Variants in ASPG observed in about 807,000 individuals in gnomAD.
ASPG encodes asparaginase, also known as 60 kDa lysophospholipase.
Under a neutral mutation model 63.2 loss-of-function variants are expected in ASPG, and 53 were observed. The ratio of observed to expected loss-of-function variants is 0.84; its 90% CI spans 0.67 to 1.05. ASPG has a LOEUF of 1.05. Ranked by LOEUF, ASPG falls within the 50% of genes least tolerant of loss-of-function variation. The pLI is 0.00. For synonymous variants in ASPG, 370 were observed against 355.0 expected (o/e 1.04, Z -0.48); for missense variants, 741 against 794.4 (o/e 0.93, Z 0.81).
chr14:104,097,189 G>C (rs1369832604), intron 4 of ASPG, among the ~76,000 whole-genome samples: 2 of 152,216 alleles, frequency 1.3e-5, no homozygotes, highest in Admixed American at 1.3e-4. Context: ...CCAGCACTGG[G>C]CTCTTGGACC....
intron 5 of ASPG, among the ~76,000 whole-genome samples, chr14:104,098,126 T>C (rs2036704597): frequency 6.8e-6 from 1 of 147,210 alleles, no homozygotes; most frequent in Non-Finnish European, 1.5e-5. Flanking sequence ...ATGGAGGTTC[T>C]CCGTTAGAGA....
At chr14:104,088,527 G>A (rs1163785407) in intron 1 of ASPG, among the ~76,000 whole-genome samples, 1 of 152,096 alleles carries the variant, frequency 6.6e-6, no homozygotes, top group Non-Finnish European at 1.5e-5. Flanking sequence ...TTGCCGGCCT[G>A]TCCCAAAGTC....
At chr14:104,086,861 G>T (rs185421656) in intron 1 of ASPG, among the ~76,000 whole-genome samples, 1 of 152,054 alleles carries the variant, frequency 6.6e-6, no homozygotes, top group African/African-American at 2.4e-5. Flanking sequence ...CTCCTGGGAC[G>T]GCTGGGACCC....
intron 10 of ASPG, among the ~76,000 whole-genome samples, chr14:104,106,065 G>A (rs1342297333): frequency 6.6e-6 from 1 of 152,264 alleles, no homozygotes; most frequent in Non-Finnish European, 1.5e-5. Flanking sequence ...CCCCCTACAG[G>A]GATGGACCTG....
intron 7 of ASPG, 146 bp from the exon 8 acceptor site, chr14:104,104,158 G>C: frequency 1.1e-6 from 1 of 926,310 alleles, no homozygotes; most frequent in Non-Finnish European, 1.6e-6. Flanking sequence ...ATGCACGTCT[G>C]CCAGGAGCCC....
At chr14:104,086,659 G>T (rs2036228997) in intron 1 of ASPG, among the ~76,000 whole-genome samples, 2 of 152,116 alleles carry the variant, frequency 1.3e-5, no homozygotes, top group Admixed American at 1.3e-4. Flanking sequence ...GGGGCCCCCA[G>T]ATGGGCTCTG....
chr14:104,111,179 G>A (rs1339445746), intron 13 of ASPG: 10 of 984,974 alleles, frequency 1.0e-5, no homozygotes, highest in Non-Finnish European at 9.6e-6. Flanking sequence ...GCTCGTGTGT[G>A]TGTGCATGTG....
chr14:104,104,243 G>C (rs1268560031), intron 7 of ASPG, 61 bp from the exon 8 acceptor site: 3 of 1,536,940 alleles, frequency 2.0e-6, no homozygotes, highest in African/African-American at 2.7e-5. Context: ...CATGGGGCGA[G>C]TCTCAGTGGT....
At chr14:104,092,489 C>T in intron 1 of ASPG, 144 bp from the exon 2 acceptor site, 1 of 697,026 alleles carries the variant, frequency 1.4e-6, no homozygotes, top group South Asian at 1.8e-5. Flanking sequence ...GTCCCAGGGG[C>T]AGCCATAGCC....
In ASPG at chr14:104,110,390, A is replaced by G; in HGVS notation, c.1520+1075A>G. On this transcript the variant is annotated intron_variant, in intron 13 of 15. Transcript: ENST00000551177. The surrounding 1 kb of genome is among the most constrained non-coding windows in gnomAD (Gnocchi z 4.7). ...AGGGACTTCCGGGGTGACTTGGTCA[A>G]GATTTGCACTCCAGACAGGCCTTGC... The G allele has an allele frequency of 1.0e-6, 1 of 985,346 alleles. No individual in the cohort carries two copies. The highest frequency in any genetic ancestry group is 1.2e-6 in the Non-Finnish European group (1 of 829,888). The allele number at this position is 985,346 out of a possible 1,614,324, so 61.0% of individuals were successfully genotyped here. A position where few individuals can be genotyped will look rare whatever the true frequency, so the allele number is the denominator to read the frequency against.
intron 9 of ASPG, 172 bp downstream of exon 9, chr14:104,104,907 C>T: frequency 1.6e-6 from 1 of 618,560 alleles, no homozygotes; most frequent in Non-Finnish European, 2.8e-6. Context: ...CAGCTCTGGG[C>T]CCAGGCTCCC....
Position 104,092,799 on chromosome 14 carries a change from C to T in ASPG, c.191+58C>T, listed in dbSNP as rs1049848216. Reference sequence around the variant, plus strand: ...GCATGGCTGCTGAGGGGCACCGATCCTGAGGCTGGGCACTGCTGGCCAGGC... The same window carrying T: ...GCATGGCTGCTGAGGGGCACCGATCTTGAGGCTGGGCACTGCTGGCCAGGC... On this transcript the variant is annotated intron_variant, in intron 2 of 15. Transcript: ENST00000551177. 1.0e-5 allele frequency: 15 copies of T among 1,441,602 alleles called. No individual in the cohort carries two copies. In the African/African-American group the frequency reaches 1.1e-4, roughly 11 times the overall value. The allele number at this position is 1,441,602 out of a possible 1,614,324, so 89.3% of individuals were successfully genotyped here.
intron 3 of ASPG, 43 bp downstream of exon 3, chr14:104,093,645 G>T (rs536362769): frequency 3.1e-6 from 3 of 978,478 alleles, no homozygotes; most frequent in East Asian, 5.8e-5. Flanking sequence ...TGGTGTGTGG[G>T]TGGGGCTGAG....
At chr14:104,100,356 C>G (rs189418386) in intron 6 of ASPG, among the ~76,000 whole-genome samples, 43 of 152,122 alleles carry the variant, frequency 2.8e-4, no homozygotes, top group African/African-American at 8.0e-4. Context: ...GTCTTTGGAT[C>G]TCAAGACAAG....
At chr14:104,098,426 G>A (rs944568742) in intron 5 of ASPG, among the ~76,000 whole-genome samples, 1 of 152,168 alleles carries the variant, frequency 6.6e-6, no homozygotes, top group African/African-American at 2.4e-5. Context: ...GCCCCCACAC[G>A]GGCTCCTGAG....
In ASPG at chr14:104,105,393, G is replaced by A. The variant is rs774349486; in HGVS notation, c.1116G>A (p.Leu372=). 6.2e-7 allele frequency: 1 copy of A among 1,612,384 alleles called. No homozygotes were observed. The highest frequency in any genetic ancestry group is 8.5e-7 in the Non-Finnish European group (1 of 1,179,672). Reference sequence around the variant, plus strand: ...CGGTGGAAGAGCGCCGGCCCTCACTGCAGGGCAACACGCTGGGCGGTGGGG... The same window carrying A: ...CGGTGGAAGAGCGCCGGCCCTCACTACAGGGCAACACGCTGGGCGGTGGGG... ...PPSVEERRPS[L]QGNTLGGGVS... The change falls in exon 10 of 16, where the codon CTG becomes CTA. Residue 372 remains leucine (L), a synonymous_variant. Coordinates refer to ENST00000551177, the MANE Select transcript of ASPG (RefSeq NM_001080464.3).
At chr14:104,102,846 C>T (rs577488379) in intron 6 of ASPG, among the ~76,000 whole-genome samples, 1 of 152,318 alleles carries the variant, frequency 6.6e-6, no homozygotes, top group African/African-American at 2.4e-5. Context: ...TCAAGGGGCA[C>T]TGACCCCAAA....
rs77998843 is a variant in ASPG at position 104,095,746 on chromosome 14, G to A, written c.429+90G>A. ...CTGTGGGCGGCCGCTGCGGGACCCC[G>A]GGCTTCCTGCTCAGCCCAGCAGCTC... On this transcript the variant is annotated intron_variant, in intron 4 of 15. Coordinates refer to ENST00000551177, the MANE Select transcript of ASPG (RefSeq NM_001080464.3). 6.5e-4 allele frequency: 996 copies of A among 1,536,960 alleles called. 7 individuals are homozygous for A. The East Asian group carries it at 0.02, about 32-fold the overall frequency.
At chr14:104,101,182 G>A (rs1243293329) in intron 6 of ASPG, among the ~76,000 whole-genome samples, 2 of 152,156 alleles carry the variant, frequency 1.3e-5, no homozygotes, top group African/African-American at 2.4e-5. Context: ...AACTGATGCC[G>A]GGCTGCCGGG....
Sources: allele counts gnomAD v4.1 joint callset (sites outside exome capture counted in the v4.1 genomes callset), GRCh38; gene constraint gnomAD v4.1.1; non-coding constraint Gnocchi (gnomAD v3.1); transcripts MANE v1.5; gene names NCBI Gene and HGNC (gene_info 2026-07-23, HGNC 2026-07-21).